Variants in RPS6KA6 observed in about 807,000 individuals in gnomAD.
RPS6KA6 encodes the protein ribosomal protein S6 kinase A6.
RPS6KA6 carries 27 observed loss-of-function variants against 65.4 expected under a neutral mutation model. The ratio of observed to expected loss-of-function variants is 0.41; its 90% confidence interval spans 0.30 to 0.57. The LOEUF is 0.57. RPS6KA6 is among the 20% of genes least tolerant of loss of function. The pLI, the probability that RPS6KA6 is intolerant of heterozygous loss-of-function variation, is 0.24. For synonymous variants in RPS6KA6, 190 were observed against 184.2 expected (o/e 1.03, Z -0.26); for missense variants, 486 against 555.6 (o/e 0.87, Z 1.26).
intron 2 of RPS6KA6, among the ~76,000 whole-genome samples, chrX:84,157,542 T>A (rs2147588189): frequency 9.0e-6 from 1 of 111,016 alleles, no homozygotes; most frequent in Admixed American, 9.6e-5. Flanking sequence ...TATTAAAGTA[T>A]AATATATCTG....
chrX:84,102,153 C>T lies in RPS6KA6; in HGVS notation c.1660G>A (p.Glu554Lys). The T allele has an allele frequency of 1.7e-6, 2 of 1,179,572 alleles. No individual in the cohort carries two copies. The highest frequency in any genetic ancestry group is 2.3e-6 in the Non-Finnish European group (2 of 876,056). Residue 554 changes from glutamate (E) to lysine (K), a missense_variant, in exon 18 of 22, where the codon GAA becomes AAA. Coordinates refer to ENST00000262752, the MANE Select transcript of RPS6KA6 (RefSeq NM_014496.5). ...LKPSNILYMD[E>K]SASADSIRIC... ...CTGATTGAATCTGCACTGGCTGATT[C>T]ATCCATGTATAAAATATTACTAGGT...
chrX:84,126,000 G>A (rs763362353), intron 8 of RPS6KA6, among the ~76,000 whole-genome samples: 89 of 111,358 alleles, frequency 8.0e-4, no homozygotes, highest in Non-Finnish European at 1.2e-3. Flanking sequence ...AGTAAGTCCC[G>A]ATTTATTAAT....
At chrX:84,139,176 C>T (rs1331645503) in intron 6 of RPS6KA6, among the ~76,000 whole-genome samples, 1 of 112,051 alleles carries the variant, frequency 8.9e-6, no homozygotes, top group Non-Finnish European at 1.9e-5. Flanking sequence ...TCAAAACTTA[C>T]TGACTGCATC....
chrX:84,151,260 TAC>T (rs1360064237), intron 3 of RPS6KA6, among the ~76,000 whole-genome samples: 4 of 103,557 alleles, frequency 3.9e-5, no homozygotes, highest in Admixed American at 2.2e-4. Context: ...TATATATATA[TAC>T]ACACACACAT....
intron 1 of RPS6KA6, among the ~76,000 whole-genome samples, chrX:84,174,083 G>A (rs1403577875): frequency 8.9e-6 from 1 of 111,831 alleles, no homozygotes; most frequent in Non-Finnish European, 1.9e-5. Flanking sequence ...ATAAGATTTA[G>A]TTGGTTTGTT....
At chrX:84,173,874 A>C (rs2035723528) in intron 1 of RPS6KA6, among the ~76,000 whole-genome samples, 1 of 111,699 alleles carries the variant, frequency 9.0e-6, no homozygotes, top group Non-Finnish European at 1.9e-5. Flanking sequence ...TCACTTTTAA[A>C]ATTATGATAG....
intron 20 of RPS6KA6, among the ~76,000 whole-genome samples, chrX:84,087,654 G>C (rs1247879989): frequency 9.0e-6 from 1 of 111,110 alleles, no homozygotes; most frequent in Non-Finnish European, 1.9e-5. Flanking sequence ...TCTTCTGGTG[G>C]AGTATCTTAC....
At chrX:84,163,645 CAAAAAAA>C (rs1184307765) in intron 2 of RPS6KA6, among the ~76,000 whole-genome samples, 644 of 46,993 alleles carry the variant, frequency 0.014, 2 homozygotes, top group Non-Finnish European at 0.021. Context: ...GACTCCGTCT[CAAAAAAA>C]AAAAAAAAAA....
At chrX:84,182,114 G>T (rs1434545158) in intron 1 of RPS6KA6, among the ~76,000 whole-genome samples, 1 of 105,551 alleles carries the variant, frequency 9.5e-6, no homozygotes, top group Non-Finnish European at 1.9e-5. Flanking sequence ...ACTACAGCAG[G>T]ACCTGTTTCT....
chrX:84,108,164 ACAAT>A (rs1237266351), intron 12 of RPS6KA6, among the ~76,000 whole-genome samples: 4 of 112,249 alleles, frequency 3.6e-5, no homozygotes, highest in African/African-American at 1.3e-4. Context: ...TAGTCGTCTA[ACAAT>A]CTATCTTGCT....
intron 12 of RPS6KA6, among the ~76,000 whole-genome samples, chrX:84,108,722 T>C (rs977576191): frequency 1.8e-5 from 2 of 111,575 alleles, no homozygotes; most frequent in East Asian, 5.7e-4. Flanking sequence ...CTCAAGCCCA[T>C]GTGGAATCCC....
Position 84,060,554 on chromosome X carries a change from A to G in RPS6KA6, c.*3723T>C, listed in dbSNP as rs1343713197. 9.1e-6 allele frequency: 1 copy of G among 110,399 alleles called. No individual in the cohort carries two copies. Among genetic ancestry groups the G allele is most frequent in the Non-Finnish European group, 1.9e-5 (1 of 52,803 alleles). 9.1% of individuals were successfully genotyped at this position (110,399 alleles called of 1,213,427 possible). A position where few individuals can be genotyped will look rare whatever the true frequency, so the allele number is the denominator to read the frequency against. On this transcript the variant is annotated 3_prime_UTR_variant, in exon 22 of 22. Coordinates refer to ENST00000262752, the MANE Select transcript of RPS6KA6 (RefSeq NM_014496.5). The stretch of plus-strand genomic sequence containing the variant: ...AACAAGAATACAAAACTATGGGTTT[A>G]AAAACAACATATACAGAAATAATCG...
intron 20 of RPS6KA6, among the ~76,000 whole-genome samples, chrX:84,072,026 A>T (rs1282137171): frequency 1.8e-5 from 2 of 111,733 alleles, no homozygotes; most frequent in Non-Finnish European, 1.9e-5. Context: ...TTTTCAAACA[A>T]TTCCAAAGGA....
intron 12 of RPS6KA6, among the ~76,000 whole-genome samples, chrX:84,111,637 C>T (rs149475764): frequency 6.7e-4 from 75 of 111,224 alleles, no homozygotes; most frequent in African/African-American, 2.4e-3. Context: ...AAAGAAAACA[C>T]GAGAGGAACT....
intron 8 of RPS6KA6, among the ~76,000 whole-genome samples, chrX:84,132,914 G>GAA (rs66529748): frequency 8.1e-5 from 8 of 98,634 alleles, no homozygotes; most frequent in South Asian, 4.4e-4. Context: ...GTGGACTAGT[G>GAA]AAAAAAAAAA....
chrX:84,094,511 G>A (rs2034113924), intron 20 of RPS6KA6, among the ~76,000 whole-genome samples: 1 of 108,839 alleles, frequency 9.2e-6, no homozygotes, highest in Non-Finnish European at 1.9e-5. Flanking sequence ...CAGGCGTGGT[G>A]GCGGGCACCT....
chrX:84,148,269 T>G (rs965771412), intron 3 of RPS6KA6, 146 bp from the exon 4 acceptor site: 4 of 377,823 alleles, frequency 1.1e-5, no homozygotes, highest in Admixed American at 5.1e-5. Context: ...AAGGGAGAGA[T>G]AGTGAGAGAT....
chrX:84,102,087 T>A lies in RPS6KA6; in HGVS notation c.1726A>T (p.Asn576Tyr). 1 of 1,203,723 alleles carries A rather than the reference T, an allele frequency of 8.3e-7. No individual in the cohort carries two copies. Among genetic ancestry groups the A allele is most frequent in the Non-Finnish European group, 1.1e-6 (1 of 890,927 alleles). Residue 576 changes from asparagine to tyrosine, a missense_variant, in exon 18 of 22, where the codon AAT becomes TAT. Transcript: ENST00000262752. ...TAGCATGGAGTTAAGAGAAGTCCATTTTCTCCTCGAAGTTGTTTTGCAAAC... is the reference window on the plus strand; with the variant it reads ...TAGCATGGAGTTAAGAGAAGTCCATATTCTCCTCGAAGTTGTTTTGCAAAC... ...FGFAKQLRGENGLLLTPCYTA... is the reference protein window; with the variant it reads ...FGFAKQLRGEYGLLLTPCYTA...
chrX:84,150,409 T>TTAA (rs2035279525), intron 3 of RPS6KA6, among the ~76,000 whole-genome samples: 1 of 111,748 alleles, frequency 8.9e-6, no homozygotes, highest in East Asian at 2.8e-4. Context: ...GATTTTGACA[T>TTAA]GCCTTCCTCA....
Sources: gnomAD v4.1 joint callset for allele counts (sites outside exome capture counted in the v4.1 genomes callset) on GRCh38, gnomAD v4.1.1 for gene constraint, MANE v1.5 for transcripts, NCBI Gene and HGNC (gene_info 2026-07-23, HGNC 2026-07-21) for gene names.